Variants in PCDH15 observed in about 807,000 individuals in gnomAD.
PCDH15 encodes the protein protocadherin related 15.
Under a neutral mutation model 178.5 loss-of-function variants are expected in PCDH15, and 129 were observed. That is an observed-to-expected ratio of 0.72 (90% CI 0.63 to 0.84). The LOEUF (loss-of-function observed/expected upper bound fraction) is 0.84. Ranked by LOEUF, PCDH15 falls within the 40% of genes least tolerant of loss-of-function variation. The pLI is 0.00. For missense variants in PCDH15, 2,230 were observed against 2,099.9 expected, an observed-to-expected ratio of 1.06 and a Z score of -1.21; for synonymous variants, 800 against 732.0, an observed-to-expected ratio of 1.09 and a Z score of -1.50.
intron 25 of PCDH15, among the ~76,000 whole-genome samples, chr10:53,907,638 A>T (rs1232477719): frequency 6.6e-6 from 1 of 152,176 alleles, no homozygotes; most frequent in Non-Finnish European, 1.5e-5. Flanking sequence ...TTCTTTGGCT[A>T]GAACTTTTGG....
rs565071346 is a variant in PCDH15, at chr10:55,191,317, G to A, written c.-155-24666C>T. On this transcript the variant is annotated intron_variant, in intron 1 of 5. Coordinates refer to the PCDH15 transcript ENST00000458638. ...TCAGCAGTTTTTCAGGTACAGCATA[G>A]TTACCTATATTATTCACTTACATGT... is the stretch of plus-strand genomic sequence containing the variant. 2.0e-5 allele frequency among the ~76,000 whole-genome samples: 3 copies of A among 151,764 alleles called. No homozygotes were observed. The South Asian group carries it at 6.2e-4, about 31-fold the overall frequency.
intron 2 of PCDH15, among the ~76,000 whole-genome samples, chr10:55,021,242 A>C (rs922040490): frequency 2.6e-5 from 4 of 152,180 alleles, no homozygotes; most frequent in Admixed American, 2.0e-4. Flanking sequence ...TATGTTACTA[A>C]ACCATCTCTT....
intron 2 of PCDH15, among the ~76,000 whole-genome samples, chr10:55,524,579 C>T (rs932689213): frequency 6.6e-6 from 1 of 151,396 alleles, no homozygotes; most frequent in Non-Finnish European, 1.5e-5. Context: ...TTTAAAATTG[C>T]ATACATATCT....
At chr10:55,489,707 T>C (rs1840372137) in intron 2 of PCDH15, among the ~76,000 whole-genome samples, 2 of 151,716 alleles carry the variant, frequency 1.3e-5, no homozygotes, top group Admixed American at 1.3e-4. Context: ...CTTCTATTTT[T>C]CTGCCACCTC....
chr10:54,006,873 T>C (rs2092403262), intron 20 of PCDH15, among the ~76,000 whole-genome samples: 1 of 152,074 alleles, frequency 6.6e-6, no homozygotes, highest in African/African-American at 2.4e-5. Flanking sequence ...CACCCCTCCC[T>C]GCCTACTCCC....
intron 2 of PCDH15, among the ~76,000 whole-genome samples, chr10:54,993,847 C>T (rs1022672379): frequency 6.6e-6 from 1 of 151,976 alleles, no homozygotes; most frequent in East Asian, 1.9e-4. Context: ...TTTAATGACA[C>T]GAAAAGATCA....
chr10:53,840,648 TTCTC>T (rs933952723), intron 28 of PCDH15, 152 bp from the exon 29 acceptor site: 4 of 767,516 alleles, frequency 5.2e-6, no homozygotes, highest in Admixed American at 2.4e-5. Flanking sequence ...TTGAAAAACA[TTCTC>T]TATATTTTTT....
intron 29 of PCDH15, among the ~76,000 whole-genome samples, chr10:53,835,352 G>GTATT (rs143406088): frequency 0.021 from 3,179 of 152,154 alleles, 114 homozygotes; most frequent in African/African-American, 0.07. Context: ...AAGCTAAAAT[G>GTATT]TATTTGCTTA....
chr10:54,676,309 T>C (rs1362941515), intron 1 of PCDH15, among the ~76,000 whole-genome samples: 2 of 152,072 alleles, frequency 1.3e-5, no homozygotes, highest in South Asian at 2.1e-4. Context: ...TTTATTTCTG[T>C]GACCCAATTA....
intron 1 of PCDH15, among the ~76,000 whole-genome samples, chr10:55,265,499 G>A (rs1022937843): frequency 1.3e-5 from 2 of 152,004 alleles, no homozygotes; most frequent in African/African-American, 4.8e-5. Flanking sequence ...GAGATTTGGG[G>A]ATGCACTTTG....
intron 2 of PCDH15, among the ~76,000 whole-genome samples, chr10:55,329,002 CGTGTGT>C (rs34920648): frequency 1.5e-5 from 2 of 131,116 alleles, no homozygotes; most frequent in Non-Finnish European, 3.2e-5. Flanking sequence ...ATTCCATTTT[CGTGTGT>C]GTGTGTGTGT....
rs397517449 is a variant in PCDH15, at chr10:54,195,867, G to A, written c.1121C>T (p.Pro374Leu). ...VIKAEQDNGH[P>L]LPAFAGLHIE... ...GTGTAGACCGGCAAAGGCAGGAAGAGGATGACCATTGTCTTGTTCAGCCTA... is the reference window on the plus strand; with the variant it reads ...GTGTAGACCGGCAAAGGCAGGAAGAAGATGACCATTGTCTTGTTCAGCCTA... The change falls in exon 11 of 38, where the codon CCT (proline) becomes CTT (leucine). Residue 374 changes from proline (P) to leucine (L), a missense_variant. Physicochemically the swap from Pro to Leu is moderately conservative, Grantham distance 98 (BLOSUM62 -3). Coordinates refer to ENST00000644397, the MANE Select transcript of PCDH15 (RefSeq NM_001384140.1). 1.2e-6 allele frequency: 2 copies of A among 1,613,442 alleles called. No individual in the cohort carries two copies. Among genetic ancestry groups the A allele is most frequent in the Admixed American group, 1.7e-5 (1 of 59,974 alleles).
chr10:54,579,313 A>T (rs989455160), intron 2 of PCDH15, among the ~76,000 whole-genome samples: 2 of 152,096 alleles, frequency 1.3e-5, no homozygotes, highest in African/African-American at 4.8e-5. Context: ...GTATCATGCA[A>T]ATGAAAAACA....
At chr10:54,048,375 A>G (rs1249194018) in intron 18 of PCDH15, among the ~76,000 whole-genome samples, 1 of 151,900 alleles carries the variant, frequency 6.6e-6, no homozygotes, top group Admixed American at 6.6e-5. Context: ...TTGATATTTT[A>G]TTTTGCTTTG....
At chr10:54,762,877 T>C (rs1948063956) in intron 1 of PCDH15, among the ~76,000 whole-genome samples, 1 of 152,180 alleles carries the variant, frequency 6.6e-6, no homozygotes, top group African/African-American at 2.4e-5. Flanking sequence ...GAAATACAAT[T>C]GTGAAACACA....
At chr10:54,605,353 C>T (rs566860689) in intron 2 of PCDH15, among the ~76,000 whole-genome samples, 7 of 151,950 alleles carry the variant, frequency 4.6e-5, no homozygotes, top group South Asian at 2.1e-4. Context: ...CCTCAGCTTT[C>T]GATTTTTTTA....
chr10:55,394,063 C>T (rs551748702), intron 2 of PCDH15, among the ~76,000 whole-genome samples: 2 of 152,024 alleles, frequency 1.3e-5, no homozygotes, highest in Non-Finnish European at 2.9e-5. Flanking sequence ...ACCCAACCAG[C>T]CCCTTCCCTC....
chr10:55,275,580 T>G (rs571695433), intron 1 of PCDH15, among the ~76,000 whole-genome samples: 1 of 152,032 alleles, frequency 6.6e-6, no homozygotes, highest in African/African-American at 2.4e-5. Flanking sequence ...TATAAGAATT[T>G]GGGTTGGTAT....
chr10:54,854,888 C>T (rs1184625712), intron 3 of PCDH15, among the ~76,000 whole-genome samples: 2 of 152,178 alleles, frequency 1.3e-5, no homozygotes, highest in African/African-American at 4.8e-5. Context: ...TGGGGACCCA[C>T]CCCCTTCCAC....
Sources: allele counts gnomAD v4.1 joint callset (sites outside exome capture counted in the v4.1 genomes callset), GRCh38; gene constraint gnomAD v4.1.1; transcripts MANE v1.5; gene names NCBI Gene and HGNC (gene_info 2026-07-23, HGNC 2026-07-21).